The following PITPNC1 variants were observed in gnomAD, a reference collection of about 807,000 sequenced individuals.
The protein encoded by PITPNC1 is phosphatidylinositol transfer protein cytoplasmic 1, also known as cytoplasmic phosphatidylinositol transfer protein 1.
PITPNC1 carries 18 observed loss-of-function variants against 44.7 expected under a neutral mutation model. That is an observed-to-expected ratio of 0.40 (90% CI 0.28 to 0.60). The LOEUF is 0.60. Ranked by LOEUF, PITPNC1 falls within the 20% of genes least tolerant of loss-of-function variation. The pLI, the probability that PITPNC1 is intolerant of heterozygous loss-of-function variation, is 0.39. For synonymous variants in PITPNC1, 141 were observed against 149.6 expected, an observed-to-expected ratio of 0.94 and a Z score of 0.42; for missense variants, 290 against 418.4, an observed-to-expected ratio of 0.69 and a Z score of 2.68.
At chr17:67,547,515 CAAAAGAGAAAAAGAACAAAAT>C (rs1284993740) in intron 2 of PITPNC1, among the ~76,000 whole-genome samples, 33 of 152,178 alleles carry the variant, frequency 2.2e-4, no homozygotes, top group Admixed American at 1.9e-3. Context: ...GACCCTGTCT[CAAAAGAGAAAAAGAACAAAAT>C]AAAATTTCTA....
At chr17:67,399,651 A>T (rs2038277944) in intron 1 of PITPNC1, among the ~76,000 whole-genome samples, 1 of 152,246 alleles carries the variant, frequency 6.6e-6, no homozygotes. Context: ...ACATAACCAC[A>T]TTTATTTAAG....
chr17:67,685,678 C>T (rs2042802315), intron 8 of PITPNC1, among the ~76,000 whole-genome samples: 1 of 152,136 alleles, frequency 6.6e-6, no homozygotes, highest in African/African-American at 2.4e-5. Flanking sequence ...GAATGCCTAC[C>T]TGGGAATATT....
intron 1 of PITPNC1, among the ~76,000 whole-genome samples, chr17:67,463,494 G>A (rs1054662378): frequency 4.6e-5 from 7 of 152,186 alleles, no homozygotes; most frequent in Non-Finnish European, 7.3e-5. Context: ...TACATTGGAA[G>A]TCTGAGGTAG....
chr17:67,612,640 A>G (rs1252870310), intron 5 of PITPNC1: 1 of 152,066 alleles, frequency 6.6e-6, no homozygotes, highest in Non-Finnish European at 1.5e-5. Flanking sequence ...AAGAAAACTC[A>G]TGGTTGGGGT....
At chr17:67,482,272 G>C (rs1347657210) in intron 1 of PITPNC1, among the ~76,000 whole-genome samples, 1 of 152,092 alleles carries the variant, frequency 6.6e-6, no homozygotes, top group East Asian at 1.9e-4. Flanking sequence ...TAAATATATG[G>C]TTTTAAAGCT....
At chr17:67,533,820 G>A (rs1017418323) in intron 2 of PITPNC1, among the ~76,000 whole-genome samples, 4 of 152,216 alleles carry the variant, frequency 2.6e-5, no homozygotes, top group Non-Finnish European at 5.9e-5. Context: ...AATAGCACTA[G>A]TCAAGCGTGC....
Position 67,377,328 on chromosome 17 carries a change from T to G in PITPNC1, c.-827T>G, listed in dbSNP as rs2037886941. 1 of 152,116 alleles carries G rather than the reference T, an allele frequency of 6.6e-6. No homozygotes were observed. The highest frequency in any genetic ancestry group is 1.5e-5 in the Non-Finnish European group (1 of 68,022). 9.4% of individuals were successfully genotyped at this position (152,116 alleles called of 1,614,324 possible). A position where few individuals can be genotyped will look rare whatever the true frequency, so the allele number is the denominator to read the frequency against. ...AGGCACACTGCATCGGCGCGGACGC[T>G]CCGGCCCCGGCGAGGTGGCTGCAAA... On this transcript the variant is annotated 5_prime_UTR_variant, in exon 1 of 9. Transcript: ENST00000581322.
At position 67,558,951 on chromosome 17, in the gene PITPNC1, A is replaced by T. The variant is rs2706681; in HGVS notation, c.294+5334A>T. Among the ~76,000 whole-genome samples, 1,287 of 152,328 alleles carry T rather than the reference A, an allele frequency of 8.4e-3. 14 individuals carry two copies. Among genetic ancestry groups the T allele is most frequent in the African/African-American group, 0.029 (1,187 of 41,564 alleles). ...GGCTGCTCACAGCTGAGAGTCTGTCATCAGTCACCCCAGGTGAACCCGGGT... is the reference window on the plus strand; with the variant it reads ...GGCTGCTCACAGCTGAGAGTCTGTCTTCAGTCACCCCAGGTGAACCCGGGT... On this transcript the variant is annotated intron_variant, in intron 4 of 8. Coordinates refer to ENST00000581322, the MANE Select transcript of PITPNC1 (RefSeq NM_012417.4).
At chr17:67,643,661 G>GATC (rs1273141119) in intron 6 of PITPNC1, among the ~76,000 whole-genome samples, 1 of 152,170 alleles carries the variant, frequency 6.6e-6, no homozygotes, top group Admixed American at 6.5e-5. Context: ...CACTGCATTT[G>GATC]ATCATCATCA....
At chr17:67,554,692 C>T (rs1049014625) in intron 4 of PITPNC1, among the ~76,000 whole-genome samples, 4 of 152,190 alleles carry the variant, frequency 2.6e-5, no homozygotes, top group Admixed American at 1.3e-4. Context: ...TAGTACCCAA[C>T]GCATCGTAGG....
intron 1 of PITPNC1, 130 bp downstream of exon 1, chr17:67,378,332 G>A (rs2037902503): frequency 1.8e-6 from 1 of 541,734 alleles, no homozygotes; most frequent in African/African-American, 2.0e-5. Context: ...CCGAAGCCTG[G>A]AGGAGAGGAG....
At chr17:67,465,182 A>G (rs904081026) in intron 1 of PITPNC1, among the ~76,000 whole-genome samples, 1 of 152,224 alleles carries the variant, frequency 6.6e-6, no homozygotes, top group Non-Finnish European at 1.5e-5. Flanking sequence ...GTTGTTGAAC[A>G]TACACCTGTC....
intron 1 of PITPNC1, among the ~76,000 whole-genome samples, chr17:67,497,529 C>CTTTTTTTTTT (rs34364657): frequency 2.3e-5 from 2 of 87,514 alleles, no homozygotes; most frequent in Non-Finnish European, 4.1e-5. Flanking sequence ...TTGTTCGTGT[C>CTTTTTTTTTT]TTTTTTTTTT....
At chr17:67,521,776 C>G (rs937859175) in intron 1 of PITPNC1, among the ~76,000 whole-genome samples, 7 of 152,100 alleles carry the variant, frequency 4.6e-5, no homozygotes, top group Non-Finnish European at 8.8e-5. Context: ...TACTCTCGGG[C>G]AGAACTTCGG....
At chr17:67,462,339 C>T (rs183785227) in intron 1 of PITPNC1, among the ~76,000 whole-genome samples, 3 of 143,178 alleles carry the variant, frequency 2.1e-5, no homozygotes, top group Non-Finnish European at 4.5e-5. Context: ...TCAAGCAATT[C>T]TCCTGCTTCA....
chr17:67,494,922 G>T (rs547389601), intron 1 of PITPNC1, among the ~76,000 whole-genome samples: 2 of 151,824 alleles, frequency 1.3e-5, no homozygotes, highest in Non-Finnish European at 2.9e-5. Context: ...GCAGTGAGCT[G>T]TGACTGTGTC....
chr17:67,582,748 T>G (rs1350015103), intron 5 of PITPNC1, among the ~76,000 whole-genome samples: 1 of 152,234 alleles, frequency 6.6e-6, no homozygotes, highest in African/African-American at 2.4e-5. Flanking sequence ...CACATACTTA[T>G]GAGAATTACT....
intron 1 of PITPNC1, among the ~76,000 whole-genome samples, chr17:67,402,309 C>T (rs989635810): frequency 6.6e-6 from 1 of 152,180 alleles, no homozygotes; most frequent in South Asian, 2.1e-4. Flanking sequence ...GTTGGAGAGG[C>T]GTACAAAAAC....
chr17:67,424,572 G>A (rs2038717583), intron 1 of PITPNC1, among the ~76,000 whole-genome samples: 1 of 151,978 alleles, frequency 6.6e-6, no homozygotes, highest in African/African-American at 2.4e-5. Flanking sequence ...CAGAGGAATC[G>A]CCTGAACCTG....
Sources: gnomAD v4.1 joint callset for allele counts (sites outside exome capture counted in the v4.1 genomes callset) on GRCh38, gnomAD v4.1.1 for gene constraint, MANE v1.5 for transcripts, NCBI Gene and HGNC (gene_info 2026-07-23, HGNC 2026-07-21) for gene names.